The following TENM2 variants were observed in gnomAD, a reference collection of about 807,000 sequenced individuals.
TENM2 encodes teneurin-2.
In TENM2, 52 loss-of-function variants were observed where a neutral mutation model predicts 245.2. The ratio of observed to expected loss-of-function variants is 0.21; its 90% CI spans 0.17 to 0.27. The LOEUF is 0.27. Among genes scored for constraint, TENM2 ranks in the 10% least tolerant of loss-of-function variants. The pLI, the probability that TENM2 is intolerant of heterozygous loss-of-function variation, is 1.00. For synonymous variants in TENM2, 1,363 were observed against 1,438.9 expected (o/e 0.95, Z 1.19); for missense variants, 3,046 against 3,666.8 (o/e 0.83, Z 4.37).
At position 167,462,188 on chromosome 5, in the gene TENM2, C is replaced by G. The variant is rs897005948; in HGVS notation, c.502+86715C>G. 1.5e-5 allele frequency among the ~76,000 whole-genome samples: 2 copies of G among 129,850 alleles called. 1 individual carries two copies. The allele number at this position is 129,850 out of a possible 152,430, so 85.2% of individuals were successfully genotyped here. ...GAGAGTTCCCTGACCCCCACCCCCC[C>G]CCCCCATTGCAGGACATGCAACAGG... On this transcript the variant is annotated intron_variant, in intron 2 of 28. Coordinates refer to ENST00000518659, the Ensembl canonical transcript of TENM2.
chr5:167,343,925 A>G (rs989286971), intron 1 of TENM2, among the ~76,000 whole-genome samples: 5 of 152,006 alleles, frequency 3.3e-5, no homozygotes, highest in Non-Finnish European at 7.4e-5. Flanking sequence ...TACCACCATC[A>G]TAAGATATAT....
intron 2 of TENM2, among the ~76,000 whole-genome samples, chr5:167,703,538 A>AG (rs1758309451): frequency 6.6e-6 from 1 of 151,920 alleles, no homozygotes; most frequent in South Asian, 2.1e-4. Context: ...CTCAAAAAAA[A>AG]AAAAAAAAAG....
At chr5:167,992,803 T>G in intron 4 of TENM2, 141 bp from the exon 7 acceptor site, 1 of 635,642 alleles carries the variant, frequency 1.6e-6, no homozygotes, top group Non-Finnish European at 2.8e-6. Flanking sequence ...GAATGTAATG[T>G]TCGCCCCTTC....
intron 2 of TENM2, among the ~76,000 whole-genome samples, chr5:167,523,003 C>T (rs1322643153): frequency 6.6e-6 from 1 of 152,116 alleles, no homozygotes; most frequent in African/African-American, 2.4e-5. Context: ...CCTCTTCCAG[C>T]TTCTGAAGGC....
At chr5:167,000,527 G>T in the TENM2 span, among the ~76,000 whole-genome samples, 1 of 152,164 alleles carries the variant, frequency 6.6e-6, no homozygotes, top group African/African-American at 2.4e-5. Flanking sequence ...CCTGCCAAGA[G>T]TGTAATGGGT....
intron 12 of TENM2, among the ~76,000 whole-genome samples, chr5:168,159,030 G>C (rs995026426): frequency 6.6e-6 from 1 of 150,886 alleles, no homozygotes; most frequent in African/African-American, 2.4e-5. Context: ...TGTAGTCCCA[G>C]CTACTCAGGA....
intron 2 of TENM2, among the ~76,000 whole-genome samples, chr5:167,736,150 A>G (rs1360764129): frequency 6.6e-6 from 1 of 152,142 alleles, no homozygotes; most frequent in East Asian, 1.9e-4. Context: ...CTTCCTTCAC[A>G]TGGCAGCAGC....
At chr5:167,255,903 A>T in the TENM2 span, among the ~76,000 whole-genome samples, 2 of 152,062 alleles carry the variant, frequency 1.3e-5, no homozygotes, top group Non-Finnish European at 2.9e-5. Flanking sequence ...AACACATGCT[A>T]CCAATTTTTT....
the TENM2 span, among the ~76,000 whole-genome samples, chr5:167,034,866 C>T: frequency 3.3e-5 from 5 of 151,952 alleles, no homozygotes; most frequent in Admixed American, 6.6e-5. Flanking sequence ...TCTAAGATGC[C>T]GGGCATTTGT....
intron 7 of TENM2, among the ~76,000 whole-genome samples, chr5:168,065,826 A>G (rs1022266651): frequency 2.0e-5 from 3 of 151,496 alleles, no homozygotes; most frequent in South Asian, 2.1e-4. Context: ...AAAAGAACCT[A>G]GAATAATGGT....
chr5:167,419,256 G>A (rs1013393707), intron 2 of TENM2, among the ~76,000 whole-genome samples: 1 of 152,112 alleles, frequency 6.6e-6, no homozygotes, highest in East Asian at 1.9e-4. Flanking sequence ...GAGGTCAGAA[G>A]TTCAAGACCA....
chr5:167,939,029 GC>G lies in TENM2; in HGVS notation c.713-13558del, dbSNP rs369937359. On this transcript the variant is annotated intron_variant, in intron 3 of 28. Coordinates refer to ENST00000518659, the Ensembl canonical transcript of TENM2. ...TGTAAGAAATTTAATTGGACAGAAG[GC>G]AAAAGGAATCTTGTGGAGAAAACTG... 4.2e-3 allele frequency among the ~76,000 whole-genome samples: 640 copies of G among 152,252 alleles called. 4 individuals are homozygous for G. The highest frequency in any genetic ancestry group is 0.015 in the African/African-American group (606 of 41,552).
chr5:167,588,008 A>G (rs1444570787), intron 2 of TENM2, among the ~76,000 whole-genome samples: 2 of 152,164 alleles, frequency 1.3e-5, no homozygotes, highest in Non-Finnish European at 2.9e-5. Context: ...CTGAGATCCA[A>G]AGAGGCAACC....
intron 1 of TENM2, among the ~76,000 whole-genome samples, chr5:167,356,450 G>C (rs1171342894): frequency 6.6e-6 from 1 of 152,072 alleles, no homozygotes; most frequent in Non-Finnish European, 1.5e-5. Context: ...GTAGAAGATA[G>C]CAGAGTCACT....
the TENM2 span, among the ~76,000 whole-genome samples, chr5:167,091,918 C>G: frequency 1.3e-5 from 2 of 152,160 alleles, no homozygotes; most frequent in African/African-American, 2.4e-5. Context: ...ATGACATACT[C>G]TGAGGTTCTC....
intron 1 of TENM2, among the ~76,000 whole-genome samples, chr5:167,320,949 A>AC (rs993657518): frequency 1.6e-4 from 24 of 151,526 alleles, no homozygotes; most frequent in African/African-American, 3.7e-4. Flanking sequence ...AAACAAACAA[A>AC]AAAAAACACT....
At chr5:167,909,910 CT>C (rs34812394) in intron 3 of TENM2, among the ~76,000 whole-genome samples, 26,178 of 134,586 alleles carry the variant, frequency 0.19, 2,331 homozygotes, top group Middle Eastern at 0.23. Context: ...GTGAGTAAGG[CT>C]TTTTTTTTTT....
Position 168,190,551 on chromosome 5 carries a change from G to A in TENM2, c.2780+4G>A, listed in dbSNP as rs768554282. The A allele has an allele frequency of 2.5e-6, 4 of 1,611,396 alleles. No individual in the cohort carries two copies. The East Asian group carries it at 8.9e-5, about 36-fold the overall frequency. The stretch of plus-strand genomic sequence containing the variant: ...GAGAGAACCCTTTCAACAGCAGGTA[G>A]GCACCCTCTGTCCCTGCAAACTCCT... On this transcript the variant is annotated splice_donor_region_variant and intron_variant, in intron 14 of 28. Transcript: ENST00000518659.
the TENM2 span, among the ~76,000 whole-genome samples, chr5:167,002,649 CA>C: frequency 2.7e-5 from 4 of 148,830 alleles, no homozygotes; most frequent in South Asian, 4.4e-4. Context: ...TGCAAAAAGA[CA>C]AAAAAACCAA....
Sources: allele counts gnomAD v4.1 joint callset (sites outside exome capture counted in the v4.1 genomes callset), GRCh38; gene constraint gnomAD v4.1.1; transcripts MANE v1.5; gene names NCBI Gene and HGNC (gene_info 2026-07-23, HGNC 2026-07-21).